The following PEAK1 variants were observed in gnomAD, a reference collection of about 807,000 sequenced individuals.
PEAK1 encodes the protein pseudopodium enriched atypical kinase 1.
A neutral mutation model predicts 124.7 loss-of-function variants in PEAK1; 54 were observed. The observed-to-expected ratio is 0.43, with a 90% CI of 0.35 to 0.54. The LOEUF is 0.54. Among genes scored for constraint, PEAK1 ranks in the 20% least tolerant of loss-of-function variants. The pLI is 0.01. For missense variants in PEAK1, 2,046 were observed against 2,134.5 expected (o/e 0.96, Z 0.82); for synonymous variants, 719 against 760.0 (o/e 0.95, Z 0.89).
intron 2 of PEAK1, among the ~76,000 whole-genome samples, chr15:77,322,030 C>T (rs2065253736): frequency 6.6e-6 from 1 of 152,170 alleles, no homozygotes. Context: ...TGAATGACTA[C>T]TGGATACATA....
At chr15:77,419,615 C>T in intron 1 of PEAK1, 1 of 985,164 alleles carries the variant, frequency 1.0e-6, no homozygotes, top group Non-Finnish European at 1.2e-6. Context: ...CCGGCCTCCC[C>T]GCGTCCAGCT....
intron 6 of PEAK1, among the ~76,000 whole-genome samples, chr15:77,251,982 A>C (rs752453187): frequency 6.6e-6 from 1 of 152,236 alleles, no homozygotes; most frequent in Non-Finnish European, 1.5e-5. Flanking sequence ...CTGGAGCTGT[A>C]ACACTGCCTG....
intron 2 of PEAK1, among the ~76,000 whole-genome samples, chr15:77,297,949 TC>T (rs2063574992): frequency 6.8e-6 from 1 of 147,362 alleles, no homozygotes; most frequent in Non-Finnish European, 1.5e-5. Flanking sequence ...TCCCAGCTAC[TC>T]GGGAGGCTGA....
chr15:77,250,434 T>G (rs1049512549), intron 6 of PEAK1, among the ~76,000 whole-genome samples: 6 of 149,078 alleles, frequency 4.0e-5, no homozygotes, highest in Non-Finnish European at 7.4e-5. Flanking sequence ...TTTTTGTTTG[T>G]TTGTTTTTTG....
At chr15:77,259,905 G>T (rs1198051145) in intron 5 of PEAK1, among the ~76,000 whole-genome samples, 2 of 152,200 alleles carry the variant, frequency 1.3e-5, no homozygotes, top group Non-Finnish European at 2.9e-5. Flanking sequence ...AGAATTTATG[G>T]AGCAGAATTC....
rs1209581804 is a variant in PEAK1 at position 77,114,142 on chromosome 15, C to G, written c.*14G>C. The G allele has an allele frequency of 1.2e-6, 2 of 1,606,134 alleles. No individual in the cohort carries two copies. Among genetic ancestry groups the G allele is most frequent in the South Asian group, 2.2e-5 (2 of 90,700 alleles). On this transcript the variant is annotated 3_prime_UTR_variant, in exon 10 of 10. Transcript: ENST00000682557. ...GAAGGTGAAGATGTAGTAAAAGCAT[C>G]ATCCAGGTACACATTAACGGTGCTG...
intron 5 of PEAK1, among the ~76,000 whole-genome samples, chr15:77,268,697 C>T (rs1040556051): frequency 6.6e-6 from 1 of 152,098 alleles, no homozygotes; most frequent in Non-Finnish European, 1.5e-5. Flanking sequence ...AACATCACCA[C>T]CTAGGCACAT....
intron 6 of PEAK1, among the ~76,000 whole-genome samples, chr15:77,226,785 C>T (rs2059696635): frequency 6.6e-6 from 1 of 152,142 alleles, no homozygotes; most frequent in Non-Finnish European, 1.5e-5. Flanking sequence ...ATGCCAGGCA[C>T]TTTTTATCTA....
At chr15:77,156,838 T>C (rs531214522) in intron 8 of PEAK1, 1 of 152,348 alleles carries the variant, frequency 6.6e-6, no homozygotes, top group African/African-American at 2.4e-5. Flanking sequence ...AAGTAAACAG[T>C]ACATTTTCAT....
chr15:77,282,854 A>C (rs2062740074), intron 5 of PEAK1, among the ~76,000 whole-genome samples: 1 of 152,134 alleles, frequency 6.6e-6, no homozygotes. Flanking sequence ...ATCTCAAAAC[A>C]AAAACCAAAA....
rs918939243 is a variant in PEAK1 at position 77,114,806 on chromosome 15, C to T, written c.4591G>A (p.Gly1531Arg). The part of the protein sequence containing the change: ...NLLLVHYQPG[G>R]TAQGFGPAEP... The stretch of plus-strand genomic sequence containing the variant: ...GCAGGCCCAAAGCCTTGGGCAGTCC[C>T]CCCAGGCTGGTAGTGGACAAGTAGC... Residue 1531 changes from glycine (G) to arginine (R), a missense_variant, in exon 10 of 10, where the codon GGG becomes AGG. By Grantham distance (125) the Gly-to-Arg change is moderately radical (BLOSUM62 -2). Transcript: ENST00000682557. 3.7e-6 allele frequency: 6 copies of T among 1,613,138 alleles called. No homozygotes were observed. In the African/African-American group the frequency reaches 6.7e-5, roughly 18 times the overall value.
rs2050885652 is a variant in PEAK1, at chr15:77,109,872, T to A, written c.*4284A>T. On this transcript the variant is annotated 3_prime_UTR_variant, in exon 10 of 10. Transcript: ENST00000682557. ...AGAATGTTCATACTATATTTACACA[T>A]CTAGAATCATTTGAAATATAGTGTA... The A allele has an allele frequency of 6.6e-6, 1 of 152,168 alleles. No homozygotes were observed. The highest frequency in any genetic ancestry group is 1.5e-5 in the Non-Finnish European group (1 of 68,034). The allele number at this position is 152,168 out of a possible 1,614,324, so 9.4% of individuals were successfully genotyped here. A position where few individuals can be genotyped will look rare whatever the true frequency, so the allele number is the denominator to read the frequency against.
intron 1 of PEAK1, among the ~76,000 whole-genome samples, chr15:77,411,713 C>T (rs569174840): frequency 6.6e-6 from 1 of 152,280 alleles, no homozygotes; most frequent in South Asian, 2.1e-4. Flanking sequence ...TCAAGTAATC[C>T]TCCTGCCTCA....
chr15:77,224,691 G>C (rs1276203057), intron 6 of PEAK1, among the ~76,000 whole-genome samples: 1 of 152,048 alleles, frequency 6.6e-6, no homozygotes, highest in African/African-American at 2.4e-5. Context: ...CACTGTATCA[G>C]CTGGAGTCCC....
At chr15:77,144,504 G>T (rs1190777610) in intron 8 of PEAK1, among the ~76,000 whole-genome samples, 1 of 152,204 alleles carries the variant, frequency 6.6e-6, no homozygotes, top group Non-Finnish European at 1.5e-5. Flanking sequence ...CTGATGTGAT[G>T]TAAGGCGCAC....
At chr15:77,247,901 T>C (rs2060670599) in intron 6 of PEAK1, among the ~76,000 whole-genome samples, 1 of 152,198 alleles carries the variant, frequency 6.6e-6, no homozygotes, top group Non-Finnish European at 1.5e-5. Flanking sequence ...GATTTTTTTG[T>C]CTATGCCTGT....
chr15:77,270,809 T>C (rs1007001844), intron 5 of PEAK1, among the ~76,000 whole-genome samples: 1 of 152,176 alleles, frequency 6.6e-6, no homozygotes, highest in Admixed American at 6.5e-5. Flanking sequence ...TTCACAAGCA[T>C]GGAATGTTCT....
intron 1 of PEAK1, among the ~76,000 whole-genome samples, chr15:77,386,911 G>A (rs1004286619): frequency 1.3e-5 from 2 of 152,078 alleles, no homozygotes; most frequent in African/African-American, 2.4e-5. Flanking sequence ...CAGATGGAGA[G>A]GGATCCTCTC....
chr15:77,123,967 G>C lies in PEAK1; in HGVS notation c.4078-8648C>G, dbSNP rs76016794. Among the ~76,000 whole-genome samples, 1,155 of 152,270 alleles carry C rather than the reference G, an allele frequency of 7.6e-3. 16 individuals carry two copies. The highest frequency in any genetic ancestry group is 0.026 in the African/African-American group (1,098 of 41,546). ...TTAAATATTGTTTGGAAATCAATTTGGCTCTTCTTTCACCAAAACATTTAT... is the reference window on the plus strand; with the variant it reads ...TTAAATATTGTTTGGAAATCAATTTCGCTCTTCTTTCACCAAAACATTTAT... On this transcript the variant is annotated intron_variant, in intron 9 of 9. Transcript: ENST00000682557.
Sources: allele counts gnomAD v4.1 joint callset (sites outside exome capture counted in the v4.1 genomes callset), GRCh38; gene constraint gnomAD v4.1.1; transcripts MANE v1.5; gene names NCBI Gene and HGNC (gene_info 2026-07-23, HGNC 2026-07-21).